MICU1: variants seen among roughly 807,000 people sequenced by gnomAD.
The protein encoded by MICU1 is mitochondrial calcium uptake 1.
In MICU1, 45 loss-of-function variants were observed where a neutral mutation model predicts 56.8. That is an observed-to-expected ratio of 0.79 (90% CI 0.62 to 1.02). The LOEUF is 1.02. Among genes scored for constraint, MICU1 ranks in the 50% least tolerant of loss-of-function variants. MICU1 has a pLI of 0.00. For missense variants in MICU1, 504 were observed against 587.1 expected, an observed-to-expected ratio of 0.86 and a Z score of 1.46; for synonymous variants, 186 against 195.1, an observed-to-expected ratio of 0.95 and a Z score of 0.39.
intron 2 of MICU1, among the ~76,000 whole-genome samples, chr10:72,566,300 G>T (rs563195616): frequency 6.6e-6 from 1 of 152,054 alleles, no homozygotes; most frequent in Admixed American, 6.5e-5. Context: ...ACCACCTTGG[G>T]CTCCCAAAGT....
intron 1 of MICU1, among the ~76,000 whole-genome samples, chr10:72,576,225 CAAAAAAAAA>C (rs34829939): frequency 1.5e-5 from 1 of 68,212 alleles, no homozygotes; most frequent in African/African-American, 6.0e-5. Flanking sequence ...AAAAAAACAC[CAAAAAAAAA>C]AAAAAAAAAA....
chr10:72,418,187 C>T (rs901684104), intron 9 of MICU1, among the ~76,000 whole-genome samples: 1 of 152,160 alleles, frequency 6.6e-6, no homozygotes, highest in African/African-American at 2.4e-5. Context: ...ATGGGAACTA[C>T]AATTCAACAT....
intron 1 of MICU1, among the ~76,000 whole-genome samples, chr10:72,617,061 A>G (rs1475458246): frequency 6.6e-6 from 1 of 152,186 alleles, no homozygotes; most frequent in Non-Finnish European, 1.5e-5. Flanking sequence ...ACTGTTTTAC[A>G]CATTTTTGTC....
intron 2 of MICU1, among the ~76,000 whole-genome samples, chr10:72,563,360 T>G (rs1840347033): frequency 6.6e-6 from 1 of 152,156 alleles, no homozygotes; most frequent in African/African-American, 2.4e-5. Context: ...AAACAAAATG[T>G]GGTATATACA....
At chr10:72,427,733 AATATAT>A (rs58696519) in intron 8 of MICU1, among the ~76,000 whole-genome samples, 2,815 of 136,162 alleles carry the variant, frequency 0.021, 32 homozygotes, top group Middle Eastern at 0.046. Flanking sequence ...CCATCTCTAA[AATATAT>A]ATATATATAT....
At chr10:72,406,665 C>T (rs1195640031) in intron 10 of MICU1, among the ~76,000 whole-genome samples, 2 of 151,832 alleles carry the variant, frequency 1.3e-5, no homozygotes, top group South Asian at 2.1e-4. Flanking sequence ...TGGTCTCAAA[C>T]TCCTGGGCTC....
At chr10:72,400,962 CTAT>C (rs144504874) in intron 10 of MICU1, among the ~76,000 whole-genome samples, 2 of 150,530 alleles carry the variant, frequency 1.3e-5, no homozygotes, top group Admixed American at 6.7e-5. Context: ...AGTGGAAATG[CTAT>C]TATTATTATT....
At chr10:72,485,306 G>C (rs1866431577) in intron 6 of MICU1, among the ~76,000 whole-genome samples, 1 of 151,876 alleles carries the variant, frequency 6.6e-6, no homozygotes, top group African/African-American at 2.4e-5. Flanking sequence ...TCGATTTCCT[G>C]GGCTCAAGTG....
intron 1 of MICU1, among the ~76,000 whole-genome samples, chr10:72,569,220 TATATATATATATATA>T (rs1840529734): frequency 7.3e-5 from 3 of 41,002 alleles, no homozygotes; most frequent in African/African-American, 2.2e-4. Flanking sequence ...TATATATATA[TATATATATATATATA>T]TATTTTTTTT....
At chr10:72,398,085 C>T (rs1048401995) in intron 10 of MICU1, among the ~76,000 whole-genome samples, 1 of 152,198 alleles carries the variant, frequency 6.6e-6, no homozygotes, top group African/African-American at 2.4e-5. Context: ...CAAACTGTCT[C>T]TCATTTGATT....
chr10:72,510,464 A>G (rs1485026830), intron 5 of MICU1, among the ~76,000 whole-genome samples: 1 of 152,148 alleles, frequency 6.6e-6, no homozygotes, highest in Non-Finnish European at 1.5e-5. Context: ...GAACAAAGAC[A>G]TTCTCTAATG....
In MICU1 at chr10:72,509,006, G is replaced by T. The variant is rs773144485; in HGVS notation, c.538-737C>A. On this transcript the variant is annotated intron_variant, in intron 5 of 11. Transcript: ENST00000361114. Reference sequence around the variant, plus strand: ...TCTATAAATCTCACAAAGAAAGTTAGTTCTCAGCTTTGGTAATTGTCTGCC... The same window carrying T: ...TCTATAAATCTCACAAAGAAAGTTATTTCTCAGCTTTGGTAATTGTCTGCC... 5.8e-4 allele frequency among the ~76,000 whole-genome samples: 89 copies of T among 152,200 alleles called. No individual in the cohort carries two copies. In the Middle Eastern group the frequency reaches 0.014, roughly 23 times the overall value.
intron 8 of MICU1, among the ~76,000 whole-genome samples, chr10:72,440,659 G>A (rs1056659043): frequency 6.6e-6 from 1 of 152,154 alleles, no homozygotes; most frequent in Admixed American, 6.6e-5. Flanking sequence ...ATCTGACAAA[G>A]GGCTAATATC....
chr10:72,586,305 C>G (rs976516146), intron 1 of MICU1, among the ~76,000 whole-genome samples: 34 of 151,844 alleles, frequency 2.2e-4, no homozygotes, highest in African/African-American at 8.2e-4. Context: ...AGCCACCATG[C>G]CCAGCATCAA....
At chr10:72,429,816 G>C (rs143571242) in intron 8 of MICU1, among the ~76,000 whole-genome samples, 1 of 152,250 alleles carries the variant, frequency 6.6e-6, no homozygotes, top group African/African-American at 2.4e-5. Context: ...TACTTGCCAG[G>C]TGCCATCCTA....
rs1199987987 is a variant in MICU1, at chr10:72,512,100, G to GTTTTTTTT, written c.538-3832_538-3831insAAAAAAAA. Among the ~76,000 whole-genome samples, 90 of 82,340 alleles carry GTTTTTTTT rather than the reference G, an allele frequency of 1.1e-3. 20 individuals carry two copies. Among genetic ancestry groups the GTTTTTTTT allele is most frequent in the African/African-American group, 4.8e-3 (83 of 17,244 alleles). The allele number at this position is 82,340 out of a possible 152,430, so 54.0% of individuals were successfully genotyped here. ...ATCAATCTGGCATCCATACACAGTT[G>GTTTTTTTT]TTTTTTGTTTTTTTTTTTTTTTTTT... On this transcript the variant is annotated intron_variant, in intron 5 of 11. Transcript: ENST00000361114.
chr10:72,533,197 G>A (rs1378813310), intron 5 of MICU1: 3 of 1,183,390 alleles, frequency 2.5e-6, no homozygotes, highest in African/African-American at 3.2e-5. Flanking sequence ...TGCTTTATGA[G>A]ACAATAAAAC....
At chr10:72,535,222 G>C (rs1232558380) in intron 4 of MICU1, among the ~76,000 whole-genome samples, 2 of 151,524 alleles carry the variant, frequency 1.3e-5, no homozygotes, top group Non-Finnish European at 2.9e-5. Context: ...TAAAGATGGG[G>C]TTTTGCCAGG....
intron 1 of MICU1, among the ~76,000 whole-genome samples, chr10:72,595,802 C>A (rs111413320): frequency 6.6e-6 from 1 of 152,188 alleles, no homozygotes; most frequent in African/African-American, 2.4e-5. Flanking sequence ...GGTTAGCTCC[C>A]TTTCCCATAG....
Sources: allele counts gnomAD v4.1 joint callset (sites outside exome capture counted in the v4.1 genomes callset), GRCh38; gene constraint gnomAD v4.1.1; transcripts MANE v1.5; gene names NCBI Gene and HGNC (gene_info 2026-07-23, HGNC 2026-07-21).